Variants in KRTAP7-1 observed in about 807,000 individuals in gnomAD.
The protein encoded by KRTAP7-1 is keratin-associated protein 7-1.
Under a neutral mutation model 5.1 loss-of-function variants are expected in KRTAP7-1, and 4 were observed. That is an observed-to-expected ratio of 0.78 (90% CI 0.38 to 1.79). KRTAP7-1 has a LOEUF of 1.79. Among genes scored for constraint, KRTAP7-1 ranks in the 40% most tolerant of loss-of-function variants. The probability of loss-of-function intolerance (pLI) is 0.04; values close to 1 mark genes in which losing one functional copy is unlikely to be tolerated. For missense variants in KRTAP7-1, 98 were observed against 105.3 expected (o/e 0.93, Z 0.30); for synonymous variants, 42 against 41.5 (o/e 1.01, Z -0.05).
chr21:30,829,673 C>T lies in KRTAP7-1; in HGVS notation c.26G>A (p.Ser9Asn), dbSNP rs1375189004. The change falls in exon 1 of 1, where the codon AGC (serine) becomes AAC (asparagine). Residue 9 changes from serine (S) to asparagine (N), a missense_variant. Physicochemically the swap from Ser to Asn is conservative, Grantham distance 46 (BLOSUM62 1). Transcript: ENST00000621162. The stretch of plus-strand genomic sequence containing the variant: ...ATAGATAGGGTATCCTGGGAAGTAG[C>T]TTCCACAGCAGAAGTAACGAGTCAT... MTRYFCCG[S>N]YFPGYPIYGT... The T allele has an allele frequency of 1.4e-5, 22 of 1,550,708 alleles. No homozygotes were observed. The highest frequency in any genetic ancestry group is 1.9e-5 in the Non-Finnish European group (22 of 1,146,522).
In KRTAP7-1 at chr21:30,829,278, CAGCA is replaced by C; in HGVS notation, c.*153_*156del. On this transcript the variant is annotated 3_prime_UTR_variant, in exon 1 of 1. Transcript: ENST00000621162. ...CCTGAGTCCTGGGTGACTTGTCCAA[CAGCA>C]TCAAAGACAAAGACCACAGCAAGAA... 1.2e-6 allele frequency: 1 copy of C among 820,008 alleles called. No individual in the cohort carries two copies. The highest frequency in any genetic ancestry group is 1.9e-6 in the Non-Finnish European group (1 of 537,158). 50.8% of individuals were successfully genotyped at this position (820,008 alleles called of 1,614,324 possible).
Position 30,829,547 on chromosome 21 carries a change from GA to G in KRTAP7-1, c.151del (p.Ser51ProfsTer58), listed in dbSNP as rs2146052036. On this transcript the variant is annotated frameshift_variant, in exon 1 of 1. Transcript: ENST00000621162. LOFTEE classifies it high-confidence loss of function. ...GCTACCACCAAAGCTGTAGCCCAGGGAGCTGTAGCCATTGCATCCACAGCCA... is the reference window on the plus strand; with the variant it reads ...GCTACCACCAAAGCTGTAGCCCAGGGGCTGTAGCCATTGCATCCACAGCCA... ...NYGCGCNGYS[S>X]LGYSFGGSNI... The G allele has an allele frequency of 6.4e-7, 1 of 1,551,618 alleles. No individual in the cohort carries two copies. Among genetic ancestry groups the G allele is most frequent in the East Asian group, 2.4e-5 (1 of 40,894 alleles).
chr21:30,829,259 T>A lies in KRTAP7-1; in HGVS notation c.*176A>T. The A allele has an allele frequency of 4.4e-6, 3 of 687,626 alleles. No homozygotes were observed. Among genetic ancestry groups the A allele is most frequent in the Non-Finnish European group, 7.2e-6 (3 of 419,186 alleles). 42.6% of individuals were successfully genotyped at this position (687,626 alleles called of 1,614,324 possible). ...GATGAGTATCAGTTCAGCACCTGAG[T>A]CCTGGGTGACTTGTCCAACAGCATC... On this transcript the variant is annotated 3_prime_UTR_variant, in exon 1 of 1. Coordinates refer to ENST00000621162, the MANE Select transcript of KRTAP7-1 (RefSeq NM_181606.3).
In KRTAP7-1 at chr21:30,829,345, T is replaced by G; in HGVS notation, c.*90A>C. 1.5e-6 allele frequency: 2 copies of G among 1,376,948 alleles called. No homozygotes were observed. The highest frequency in any genetic ancestry group is 2.0e-6 in the Non-Finnish European group (2 of 1,022,828). 85.3% of individuals were successfully genotyped at this position (1,376,948 alleles called of 1,614,324 possible). A position where few individuals can be genotyped will look rare whatever the true frequency, so the allele number is the denominator to read the frequency against. ...ATGGAAGATGTATCACCCAAGCACA[T>G]GGGAAGGTAGGAAGACAGTCATTGC... On this transcript the variant is annotated 3_prime_UTR_variant, in exon 1 of 1. Coordinates refer to ENST00000621162, the MANE Select transcript of KRTAP7-1 (RefSeq NM_181606.3).
chr21:30,829,299 C>T lies in KRTAP7-1; in HGVS notation c.*136G>A. Reference sequence around the variant, plus strand: ...CCAACAGCATCAAAGACAAAGACCACAGCAAGAAGTCAGCAAGAAGATGGA... The same window carrying T: ...CCAACAGCATCAAAGACAAAGACCATAGCAAGAAGTCAGCAAGAAGATGGA... On this transcript the variant is annotated 3_prime_UTR_variant, in exon 1 of 1. Transcript: ENST00000621162. The T allele has an allele frequency of 9.8e-7, 1 of 1,021,226 alleles. No homozygotes were observed. Among genetic ancestry groups the T allele is most frequent in the African/African-American group, 1.6e-5 (1 of 61,832 alleles). The allele number at this position is 1,021,226 out of a possible 1,614,324, so 63.3% of individuals were successfully genotyped here. A position where few individuals can be genotyped will look rare whatever the true frequency, so the allele number is the denominator to read the frequency against.
chr21:30,829,602 CA>C lies in KRTAP7-1; in HGVS notation c.96del (p.Cys32TrpfsTer9), dbSNP rs774710606. The C allele has an allele frequency of 1.6e-5, 25 of 1,551,682 alleles. No individual in the cohort carries two copies. The South Asian group carries it at 2.7e-4, about 17-fold the overall frequency. On this transcript the variant is annotated frameshift_variant, in exon 1 of 1. Coordinates refer to ENST00000621162, the MANE Select transcript of KRTAP7-1 (RefSeq NM_181606.3). LOFTEE classifies it high-confidence loss of function. Reference sequence around the variant, plus strand: ...TTCAGGGGAGAGCCCAGAGGCACAACACAGTTCAAGGGGGTGGCTCTGAAGG... The same window carrying C: ...TTCAGGGGAGAGCCCAGAGGCACAACCAGTTCAAGGGGGTGGCTCTGAAGG... Reference protein sequence around the residue: ...HGTFRATPLNCVVPLGSPLNY... With the variant: ...HGTFRATPLNXVVPLGSPLNY...
rs1411648404 is a variant in KRTAP7-1 at position 30,829,503 on chromosome 21, C to T, written c.196G>A (p.Gly66Ser). 4 of 1,551,648 alleles carry T rather than the reference C, an allele frequency of 2.6e-6. No individual in the cohort carries two copies. Among genetic ancestry groups the T allele is most frequent in the Non-Finnish European group, 3.5e-6 (4 of 1,146,958 alleles). Residue 66 changes from glycine (G) to serine (S), a missense_variant, in exon 1 of 1, where the codon GGC (glycine) becomes AGC (serine). Transcript: ENST00000621162. ...FGGSNINNLG[G>S]CYGGSFYRPW... ...CTATAGAAGCTACCACCATAGCAGC[C>T]GCCCAGGTTGTTGATGTTGCTACCA...
chr21:30,829,494 C>T lies in KRTAP7-1; in HGVS notation c.205G>A (p.Gly69Ser), dbSNP rs1169792102. ...SNINNLGGCY[G>S]GSFYRPWGSG... Reference sequence around the variant, plus strand: ...CCCCATGGCCTATAGAAGCTACCACCATAGCAGCCGCCCAGGTTGTTGATG... The same window carrying T: ...CCCCATGGCCTATAGAAGCTACCACTATAGCAGCCGCCCAGGTTGTTGATG... Residue 69 changes from glycine (G) to serine (S), a missense_variant, in exon 1 of 1, where the codon GGT becomes AGT. Physicochemically the swap from Gly to Ser is moderately conservative, Grantham distance 56. Transcript: ENST00000621162. 24 of 1,551,574 alleles carry T rather than the reference C, an allele frequency of 1.5e-5. No homozygotes were observed. Among genetic ancestry groups the T allele is most frequent in the Non-Finnish European group, 2.1e-5 (24 of 1,146,978 alleles).
In KRTAP7-1 at chr21:30,829,701, T is replaced by TGGC; in HGVS notation, c.-6_-4dup. The TGGC allele has an allele frequency of 6.5e-7, 1 of 1,545,832 alleles. No individual in the cohort carries two copies. Among genetic ancestry groups the TGGC allele is most frequent in the Non-Finnish European group, 8.7e-7 (1 of 1,143,872 alleles). ...CCACAGCAGAAGTAACGAGTCATGG[T>TGGC]GGCAGCAATTGAGAAGGATTTAGAT... On this transcript the variant is annotated 5_prime_UTR_variant, in exon 1 of 1. Transcript: ENST00000621162.
At position 30,829,549 on chromosome 21, in the gene KRTAP7-1, G is replaced by A. The variant is rs768471490; in HGVS notation, c.150C>T (p.Ser50=). The part of the protein sequence containing the change: ...LNYGCGCNGY[S]SLGYSFGGSN... ...TACCACCAAAGCTGTAGCCCAGGGA[G>A]CTGTAGCCATTGCATCCACAGCCAT... is the stretch of plus-strand genomic sequence containing the variant. The change falls in exon 1 of 1, where the codon AGC becomes AGT. Residue 50 remains serine (S), a synonymous_variant. Coordinates refer to ENST00000621162, the MANE Select transcript of KRTAP7-1 (RefSeq NM_181606.3). The A allele has an allele frequency of 6.4e-6, 10 of 1,551,516 alleles. No individual in the cohort carries two copies. Among genetic ancestry groups the A allele is most frequent in the South Asian group, 3.6e-5 (3 of 84,066 alleles).
rs1234443493 is a variant in KRTAP7-1, at chr21:30,829,097, C to A, written c.*338G>T. On this transcript the variant is annotated 3_prime_UTR_variant, in exon 1 of 1. Transcript: ENST00000621162. ...TGACAGAAAATCCCCTTACTACCCA[C>A]ACCCAATTTGTAATACATTAATGTT... is the stretch of plus-strand genomic sequence containing the variant. The A allele has an allele frequency of 1.4e-5, 3 of 215,066 alleles. No individual in the cohort carries two copies. The highest frequency in any genetic ancestry group is 2.8e-5 in the Non-Finnish European group (3 of 109,080). The allele number at this position is 215,066 out of a possible 1,614,324, so 13.3% of individuals were successfully genotyped here.
Position 30,829,477 on chromosome 21 carries a change from C to G in KRTAP7-1, c.222G>C (p.Arg74Ser), listed in dbSNP as rs1258944067. The change falls in exon 1 of 1, where the codon AGG (arginine) becomes AGC (serine). Residue 74 changes from arginine (R) to serine (S), a missense_variant. Coordinates refer to ENST00000621162, the MANE Select transcript of KRTAP7-1 (RefSeq NM_181606.3). ...LGGCYGGSFY[R>S]PWGSGSGFGY... Reference sequence around the variant, plus strand: ...CAAAGCCAGAGCCAGAGCCCCATGGCCTATAGAAGCTACCACCATAGCAGC... The same window carrying G: ...CAAAGCCAGAGCCAGAGCCCCATGGGCTATAGAAGCTACCACCATAGCAGC... 3.7e-5 allele frequency: 57 copies of G among 1,551,548 alleles called. No homozygotes were observed. Among genetic ancestry groups the G allele is most frequent in the Non-Finnish European group, 4.5e-5 (52 of 1,146,968 alleles).
rs1756454109 is a variant in KRTAP7-1, at chr21:30,829,730, T to C, written c.-32A>G. The stretch of plus-strand genomic sequence containing the variant: ...AGCAATTGAGAAGGATTTAGATGGA[T>C]TGTGAAGGGTAAGTTACCCAAGTGT... On this transcript the variant is annotated 5_prime_UTR_variant, in exon 1 of 1. Transcript: ENST00000621162. 2 of 1,521,444 alleles carry C rather than the reference T, an allele frequency of 1.3e-6. No homozygotes were observed. The highest frequency in any genetic ancestry group is 1.4e-5 in the African/African-American group (1 of 72,336). The allele number at this position is 1,521,444 out of a possible 1,614,324, so 94.2% of individuals were successfully genotyped here. A position where few individuals can be genotyped will look rare whatever the true frequency, so the allele number is the denominator to read the frequency against.
Position 30,829,692 on chromosome 21 carries a change from G to A in KRTAP7-1, c.7C>T (p.Arg3Cys), listed in dbSNP as rs962564212. ...AAGTAGCTTCCACAGCAGAAGTAAC[G>A]AGTCATGGTGGCAGCAATTGAGAAG... MTRYFCCGSYFPG... is the reference protein window; with the variant it reads MTCYFCCGSYFPG... The change falls in exon 1 of 1, where the codon CGT becomes TGT. Residue 3 changes from arginine to cysteine, a missense_variant. Transcript: ENST00000621162. 1.2e-5 allele frequency: 19 copies of A among 1,547,828 alleles called. No individual in the cohort carries two copies. The highest frequency in any genetic ancestry group is 9.6e-5 in the African/African-American group (7 of 72,938).
Position 30,829,338 on chromosome 21 carries a change from A to C in KRTAP7-1, c.*97T>G. On this transcript the variant is annotated 3_prime_UTR_variant, in exon 1 of 1. Coordinates refer to ENST00000621162, the MANE Select transcript of KRTAP7-1 (RefSeq NM_181606.3). Reference sequence around the variant, plus strand: ...CAAGAAGATGGAAGATGTATCACCCAAGCACATGGGAAGGTAGGAAGACAG... The same window carrying C: ...CAAGAAGATGGAAGATGTATCACCCCAGCACATGGGAAGGTAGGAAGACAG... The C allele has an allele frequency of 7.4e-7, 1 of 1,343,164 alleles. No individual in the cohort carries two copies. The highest frequency in any genetic ancestry group is 1.0e-6 in the Non-Finnish European group (1 of 995,010). The allele number at this position is 1,343,164 out of a possible 1,614,324, so 83.2% of individuals were successfully genotyped here.
Position 30,829,302 on chromosome 21 carries a change from C to G in KRTAP7-1, c.*133G>C. On this transcript the variant is annotated 3_prime_UTR_variant, in exon 1 of 1. Coordinates refer to ENST00000621162, the MANE Select transcript of KRTAP7-1 (RefSeq NM_181606.3). ...ACAGCATCAAAGACAAAGACCACAG[C>G]AAGAAGTCAGCAAGAAGATGGAAGA... 1 of 1,051,200 alleles carries G rather than the reference C, an allele frequency of 9.5e-7. No homozygotes were observed. The highest frequency in any genetic ancestry group is 1.7e-5 in the South Asian group (1 of 59,020). 65.1% of individuals were successfully genotyped at this position (1,051,200 alleles called of 1,614,324 possible). A position where few individuals can be genotyped will look rare whatever the true frequency, so the allele number is the denominator to read the frequency against.
chr21:30,829,653 T>C lies in KRTAP7-1; in HGVS notation c.46A>G (p.Ile16Val), dbSNP rs142245855. ...GTCCCATGGAAGTTGGTCCCATAGA[T>C]AGGGTATCCTGGGAAGTAGCTTCCA... is the stretch of plus-strand genomic sequence containing the variant. ...CCGSYFPGYP[I>V]YGTNFHGTFR... Residue 16 changes from isoleucine (I) to valine (V), a missense_variant, in exon 1 of 1, where the codon ATC becomes GTC. Coordinates refer to ENST00000621162, the MANE Select transcript of KRTAP7-1 (RefSeq NM_181606.3). 6.4e-7 allele frequency: 1 copy of C among 1,551,126 alleles called. No individual in the cohort carries two copies. Among genetic ancestry groups the C allele is most frequent in the Admixed American group, 2.0e-5 (1 of 50,964 alleles).
chr21:30,829,322 G>T lies in KRTAP7-1; in HGVS notation c.*113C>A. ...CACAGCAAGAAGTCAGCAAGAAGAT[G>T]GAAGATGTATCACCCAAGCACATGG... is the stretch of plus-strand genomic sequence containing the variant. On this transcript the variant is annotated 3_prime_UTR_variant, in exon 1 of 1. Coordinates refer to ENST00000621162, the MANE Select transcript of KRTAP7-1 (RefSeq NM_181606.3). 1 of 1,209,760 alleles carries T rather than the reference G, an allele frequency of 8.3e-7. No individual in the cohort carries two copies. Among genetic ancestry groups the T allele is most frequent in the Non-Finnish European group, 1.1e-6 (1 of 882,468 alleles). 74.9% of individuals were successfully genotyped at this position (1,209,760 alleles called of 1,614,324 possible).
In KRTAP7-1 at chr21:30,829,319, G is replaced by C. The variant is rs1985241128; in HGVS notation, c.*116C>G. On this transcript the variant is annotated 3_prime_UTR_variant, in exon 1 of 1. Transcript: ENST00000621162. ...GACCACAGCAAGAAGTCAGCAAGAAGATGGAAGATGTATCACCCAAGCACA... is the reference window on the plus strand; with the variant it reads ...GACCACAGCAAGAAGTCAGCAAGAACATGGAAGATGTATCACCCAAGCACA... 1.7e-6 allele frequency: 2 copies of C among 1,188,460 alleles called. No homozygotes were observed. Among genetic ancestry groups the C allele is most frequent in the South Asian group, 3.2e-5 (2 of 62,316 alleles). The allele number at this position is 1,188,460 out of a possible 1,614,324, so 73.6% of individuals were successfully genotyped here.
Sources: gnomAD v4.1 joint callset for allele counts on GRCh38, gnomAD v4.1.1 for gene constraint, MANE v1.5 for transcripts, NCBI Gene and HGNC (gene_info 2026-07-23, HGNC 2026-07-21) for gene names.